Variants in ZNF763 observed in about 807,000 individuals in gnomAD.
ZNF763 encodes zinc finger protein 763, also known as DNA-binding protein.
ZNF763 carries 33 observed loss-of-function variants against 38.0 expected under a neutral mutation model. The ratio of observed to expected loss-of-function variants is 0.87; its 90% CI spans 0.66 to 1.16. The LOEUF is 1.16. Ranked by LOEUF, ZNF763 falls within the 50% of genes most tolerant of loss-of-function variation. The pLI is 0.00. For synonymous variants in ZNF763, 155 were observed against 160.1 expected (o/e 0.97, Z 0.24); for missense variants, 423 against 469.1 (o/e 0.90, Z 0.91).
In ZNF763 at chr19:11,978,317, C is replaced by T; in HGVS notation, c.393C>T (p.His131=). The T allele has an allele frequency of 1.2e-6, 2 of 1,614,052 alleles. No individual in the cohort carries two copies. Among genetic ancestry groups the T allele is most frequent in the Non-Finnish European group, 1.7e-6 (2 of 1,180,022 alleles). The part of the protein sequence containing the change: ...FNMNIRGDIG[H]KAYEYQDYAP... ...TGAACATCAGAGGTGACATTGGGCA[C>T]AAGGCATACGAGTATCAGGACTATG... Residue 131 remains histidine, a synonymous_variant, in exon 4 of 4, where the codon CAC becomes CAT. Transcript: ENST00000358987.
intron 1 of ZNF763, among the ~76,000 whole-genome samples, chr19:11,968,733 A>G (rs192830550): frequency 9.9e-5 from 15 of 152,252 alleles, no homozygotes; most frequent in Non-Finnish European, 2.2e-4. Flanking sequence ...TCAGTAGTAG[A>G]GAGGGGCCTG....
At chr19:11,967,436 G>T (rs1225597704) in intron 1 of ZNF763, among the ~76,000 whole-genome samples, 1 of 151,724 alleles carries the variant, frequency 6.6e-6, no homozygotes, top group Admixed American at 6.6e-5. Context: ...ACGGAGTCTC[G>T]CTCTGTTGCC....
intron 1 of ZNF763, 114 bp downstream of exon 1, chr19:11,965,325 G>T: frequency 6.9e-7 from 1 of 1,448,306 alleles, no homozygotes; most frequent in Non-Finnish European, 9.5e-7. Context: ...GTCTGGGACC[G>T]AGTCCTCCTG....
intron 1 of ZNF763, among the ~76,000 whole-genome samples, chr19:11,972,925 CAA>C (rs34554548): frequency 1.5e-4 from 19 of 130,838 alleles, no homozygotes; most frequent in African/African-American, 1.9e-4. Context: ...GACCCTGTTT[CAA>C]AAAAAAAAAA....
rs183336294 is a variant in ZNF763, at chr19:11,971,880, G to A, written c.4-5158G>A. ...GGAGTTTGAGACCAGCCTGACAAAC[G>A]TGGAGGTTTCCATGTCTACTAAAAA... is the stretch of plus-strand genomic sequence containing the variant. On this transcript the variant is annotated intron_variant, in intron 1 of 3. Transcript: ENST00000358987. Among the ~76,000 whole-genome samples, 612 of 152,136 alleles carry A rather than the reference G, an allele frequency of 4.0e-3. 2 individuals are homozygous for A. Among genetic ancestry groups the A allele is most frequent in the Non-Finnish European group, 6.9e-3 (467 of 67,984 alleles).
At position 11,979,907 on chromosome 19, in the gene ZNF763, A is replaced by G; in HGVS notation, c.*798A>G. 7.2e-7 allele frequency: 1 copy of G among 1,391,574 alleles called. No individual in the cohort carries two copies. The highest frequency in any genetic ancestry group is 1.2e-5 in the South Asian group (1 of 85,886). 86.2% of individuals were successfully genotyped at this position (1,391,574 alleles called of 1,614,324 possible). ...TGTAGAAAGACCTTATAAATGTAAG[A>G]TATGTGGGAAAGGCTTTTATTCTGC... On this transcript the variant is annotated 3_prime_UTR_variant, in exon 4 of 4. Coordinates refer to ENST00000358987, the MANE Select transcript of ZNF763 (RefSeq NM_001367172.2).
intron 1 of ZNF763, among the ~76,000 whole-genome samples, chr19:11,969,949 C>T (rs928291500): frequency 7.9e-5 from 12 of 152,074 alleles, no homozygotes; most frequent in African/African-American, 2.4e-4. Flanking sequence ...TTAGAATTGC[C>T]TGGGGCTGGC....
In ZNF763 at chr19:11,977,559, A is replaced by C. The variant is rs973869596; in HGVS notation, c.191+128A>C. On this transcript the variant is annotated intron_variant, in intron 3 of 3. Transcript: ENST00000358987. ...ATCTCTTCTTAGAATATTTTCTCAA[A>C]ATCATATATTTACATGTGACTAAGT... 49 of 1,236,290 alleles carry C rather than the reference A, an allele frequency of 4.0e-5. No homozygotes were observed. The African/African-American group carries it at 6.5e-4, about 16-fold the overall frequency. 76.6% of individuals were successfully genotyped at this position (1,236,290 alleles called of 1,614,324 possible). A position where few individuals can be genotyped will look rare whatever the true frequency, so the allele number is the denominator to read the frequency against.
At chr19:11,977,252 C>T (rs973436744) in intron 2 of ZNF763, 88 bp downstream of exon 2, 1 of 1,604,276 alleles carries the variant, frequency 6.2e-7, no homozygotes, top group Admixed American at 1.7e-5. Flanking sequence ...GGAACATAGA[C>T]AGGAAATACT....
At position 11,979,036 on chromosome 19, in the gene ZNF763, A is replaced by C; in HGVS notation, c.1112A>C (p.Lys371Thr). Residue 371 changes from lysine (K) to threonine (T), a missense_variant, in exon 4 of 4, where the codon AAG becomes ACG. Lys to Thr is a moderately conservative substitution (Grantham distance 78). Transcript: ENST00000358987. Reference protein sequence around the residue: ...THSAKKPYECKQCGKALSYKF... With the variant: ...THSAKKPYECTQCGKALSYKF... Reference sequence around the variant, plus strand: ...TCTGCGAAAAAACCTTATGAATGTAAGCAGTGTGGGAAAGCATTATCTTAT... The same window carrying C: ...TCTGCGAAAAAACCTTATGAATGTACGCAGTGTGGGAAAGCATTATCTTAT... 1 of 1,614,230 alleles carries C rather than the reference A, an allele frequency of 6.2e-7. No homozygotes were observed. The highest frequency in any genetic ancestry group is 1.6e-4 in the Middle Eastern group (1 of 6,062).
chr19:11,978,693 G>T lies in ZNF763; in HGVS notation c.769G>T (p.Glu257Ter). Residue 257 changes from glutamate (E) to a stop codon, truncating the protein, a stop_gained, in exon 4 of 4, where the codon GAA becomes TAA. Coordinates refer to ENST00000358987, the MANE Select transcript of ZNF763 (RefSeq NM_001367172.2). LOFTEE classifies it high-confidence loss of function. ...ERTHTGEKPY[E>*]CQQCGKAFHS... ...AACTCACACTGGAGAAAAGCCTTAT[G>T]AATGTCAGCAATGTGGGAAAGCATT... 1.2e-6 allele frequency: 2 copies of T among 1,614,030 alleles called. No individual in the cohort carries two copies. The highest frequency in any genetic ancestry group is 1.7e-6 in the Non-Finnish European group (2 of 1,179,984).
intron 3 of ZNF763, among the ~76,000 whole-genome samples, 170 bp downstream of exon 3, chr19:11,977,601 G>A (rs1973524280): frequency 6.6e-6 from 1 of 152,214 alleles, no homozygotes; most frequent in African/African-American, 2.4e-5. Flanking sequence ...GCTCACTCCT[G>A]TAATCCCAAT....
intron 1 of ZNF763, among the ~76,000 whole-genome samples, chr19:11,974,762 C>G (rs1973449004): frequency 6.6e-6 from 1 of 152,068 alleles, no homozygotes; most frequent in South Asian, 2.1e-4. Context: ...GCCACCACAC[C>G]TAGCTAATTT....
intron 1 of ZNF763, among the ~76,000 whole-genome samples, chr19:11,969,200 G>A (rs943325714): frequency 6.6e-6 from 1 of 152,190 alleles, no homozygotes; most frequent in Non-Finnish European, 1.5e-5. Context: ...TGCCTTCTGG[G>A]TTCAAGTAAT....
intron 1 of ZNF763, among the ~76,000 whole-genome samples, chr19:11,968,702 G>T (rs1973289817): frequency 6.6e-6 from 1 of 152,086 alleles, no homozygotes; most frequent in African/African-American, 2.4e-5. Flanking sequence ...AGTTAAGAGG[G>T]AAATTAGTGT....
chr19:11,966,753 G>C (rs979658966), intron 1 of ZNF763, among the ~76,000 whole-genome samples: 1 of 152,148 alleles, frequency 6.6e-6, no homozygotes, highest in African/African-American at 2.4e-5. Flanking sequence ...ATAAATGCTT[G>C]ATTGGTTGCA....
chr19:11,968,041 G>C (rs768597238), intron 1 of ZNF763, among the ~76,000 whole-genome samples: 2 of 152,136 alleles, frequency 1.3e-5, no homozygotes, highest in Non-Finnish European at 2.9e-5. Flanking sequence ...ATACTTGCAG[G>C]CATCTTCAGG....
Position 11,978,457 on chromosome 19 carries a change from GA to G in ZNF763, c.538del (p.Thr180ProfsTer13). 1.2e-6 allele frequency: 2 copies of G among 1,614,142 alleles called. No individual in the cohort carries two copies. Among genetic ancestry groups the G allele is most frequent in the Non-Finnish European group, 1.7e-6 (2 of 1,180,016 alleles). ...AAACCCTATGCTTGTAAAGAATGTG[GA>G]AAAACCTTTATTTCCCATTCAGGCA... ...GEKPYACKEC[G>X]KTFISHSGIR... On this transcript the variant is annotated frameshift_variant, in exon 4 of 4. Transcript: ENST00000358987. LOFTEE classifies it high-confidence loss of function.
At chr19:11,977,316 A>T (rs1973516150) in intron 2 of ZNF763, 55 bp from the exon 3 acceptor site, 2 of 1,605,972 alleles carry the variant, frequency 1.2e-6, no homozygotes, top group Admixed American at 3.5e-5. Flanking sequence ...GAATCTAATA[A>T]TTTTTTCACA....
Sources: gnomAD v4.1 joint callset for allele counts (sites outside exome capture counted in the v4.1 genomes callset) on GRCh38, gnomAD v4.1.1 for gene constraint, MANE v1.5 for transcripts, NCBI Gene and HGNC (gene_info 2026-07-23, HGNC 2026-07-21) for gene names.